The following ABCC4 variants were observed in gnomAD, a reference collection of about 807,000 sequenced individuals.
ABCC4 encodes the protein ATP-binding cassette sub-family C member 4.
ABCC4 carries 102 observed loss-of-function variants against 168.5 expected under a neutral mutation model. That is an observed-to-expected ratio of 0.61 (90% CI 0.52 to 0.71). The LOEUF (loss-of-function observed/expected upper bound fraction) is 0.71, where lower values mean the gene tolerates loss of function less well. Ranked by LOEUF, ABCC4 falls within the 30% of genes least tolerant of loss-of-function variation. The pLI, the probability that ABCC4 is intolerant of heterozygous loss-of-function variation, is 0.00. For missense variants in ABCC4, 1,402 were observed against 1,605.8 expected, an observed-to-expected ratio of 0.87 and a Z score of 2.17; for synonymous variants, 617 against 590.7, an observed-to-expected ratio of 1.04 and a Z score of -0.65.
chr13:95,047,476 C>CTG (rs2032631470), intron 27 of ABCC4, among the ~76,000 whole-genome samples: 1 of 83,370 alleles, frequency 1.2e-5, no homozygotes, highest in Non-Finnish European at 2.1e-5. Context: ...ACTGCCTATT[C>CTG]TTTTTTTTTT....
At chr13:95,126,742 T>TTCCAAA (rs1566443665) in intron 19 of ABCC4, among the ~76,000 whole-genome samples, 5 of 108,482 alleles carry the variant, frequency 4.6e-5, no homozygotes, top group East Asian at 2.7e-4. Context: ...TATATATATA[T>TTCCAAA]ATATATATAT....
rs1225198025 is a variant in ABCC4, at chr13:95,166,210, G to A, written c.1982C>T (p.Ser661Phe). 2 of 1,614,164 alleles carry A rather than the reference G, an allele frequency of 1.2e-6. No individual in the cohort carries two copies. The highest frequency in any genetic ancestry group is 1.1e-5 in the South Asian group (1 of 91,082). The change falls in exon 15 of 31, where the codon TCT becomes TTT. Residue 661 changes from serine to phenylalanine, a missense_variant. Physicochemically the swap from Ser to Phe is radical, Grantham distance 155. This residue lies in a region of ABCC4 where 1,007 missense variants were observed against 1,127.3 expected (regional missense o/e 0.89). Coordinates refer to ENST00000645237, the MANE Select transcript of ABCC4 (RefSeq NM_005845.5). The part of the protein sequence containing the change: ...NRTFSESSVW[S>F]QQSSRPSLKD... ...CAAGGAGGGTCTAGAAGATTGTTGA[G>A]ACCAAACCGAAGACTCTGAGAAGGT...
rs748864087 is a variant in ABCC4 at position 95,186,848 on chromosome 13, G to A, written c.1398C>T (p.His466=). ...TTCTTCCATGCACGCTGACCAGCCC[G>A]TGACTTGGGGCCAATTCCCCGAGCA... ...SAVLGELAPS[H]GLVSVHGRIA... Residue 466 remains histidine (H), a synonymous_variant, in exon 11 of 31, where the codon CAC becomes CAT. Coordinates refer to ENST00000645237, the MANE Select transcript of ABCC4 (RefSeq NM_005845.5). The A allele has an allele frequency of 9.9e-6, 16 of 1,613,680 alleles. No individual in the cohort carries two copies. Among genetic ancestry groups the A allele is most frequent in the African/African-American group, 9.3e-5 (7 of 74,910 alleles).
At chr13:95,207,700 C>T (rs2038821756) in intron 7 of ABCC4, 100 bp downstream of exon 7, 5 of 1,314,830 alleles carry the variant, frequency 3.8e-6, no homozygotes, top group East Asian at 2.5e-5. Flanking sequence ...TTGTACTGAA[C>T]TTCCCATAAT....
Position 95,075,507 on chromosome 13 carries a change from G to T in ABCC4, c.2731C>A (p.Leu911Ile). The change falls in exon 22 of 31, where the codon CTC (leucine) becomes ATC (isoleucine). Residue 911 changes from leucine (L) to isoleucine (I), a missense_variant. By Grantham distance (5) the Leu-to-Ile change is conservative. Around this residue, in one of 3 missense-constraint regions of ABCC4, gnomAD observed 1,007 missense variants for 1,127.3 expected, o/e 0.89. Coordinates refer to ENST00000645237, the MANE Select transcript of ABCC4 (RefSeq NM_005845.5). ...GCTTTGTATGCCCGGATGGTCCAGA[G>T]CCCCTGGAGAGAAGATGATAAGTGG... ...FSHLSSSLQG[L>I]WTIRAYKAEE... 1 of 1,614,094 alleles carries T rather than the reference G, an allele frequency of 6.2e-7. No homozygotes were observed. The highest frequency in any genetic ancestry group is 8.5e-7 in the Non-Finnish European group (1 of 1,179,986).
chr13:95,176,902 C>G (rs908841292), intron 13 of ABCC4, among the ~76,000 whole-genome samples: 3 of 152,310 alleles, frequency 2.0e-5, no homozygotes, highest in Admixed American at 2.0e-4. Flanking sequence ...AAGTGTCAGT[C>G]GGCACACATG....
intron 21 of ABCC4, among the ~76,000 whole-genome samples, chr13:95,081,407 C>CGG (rs1295985371): frequency 4.4e-4 from 67 of 152,290 alleles, no homozygotes; most frequent in Middle Eastern, 3.4e-3. Flanking sequence ...ATTTCATGAG[C>CGG]GGGCCCAAAC....
intron 1 of ABCC4, among the ~76,000 whole-genome samples, chr13:95,284,895 A>G (rs7986283): frequency 0.62 from 92,640 of 150,470 alleles, 30,565 homozygotes; most frequent in Middle Eastern, 0.77. Context: ...TTGGTAAGGT[A>G]CTTAGAATAG....
At chr13:95,243,192 C>T (rs114795337) in intron 3 of ABCC4, among the ~76,000 whole-genome samples, 1,667 of 152,292 alleles carry the variant, frequency 0.011, 30 homozygotes, top group African/African-American at 0.038. Flanking sequence ...CTTAGCCTGC[C>T]GCCCTAATAC....
intron 1 of ABCC4, among the ~76,000 whole-genome samples, chr13:95,253,867 T>C (rs17235152): frequency 0.27 from 40,392 of 151,940 alleles, 6,510 homozygotes; most frequent in East Asian, 0.5. Context: ...TGGGCAATAC[T>C]CTCATGCAAA....
chr13:95,235,467 A>T (rs1455876989), intron 3 of ABCC4, among the ~76,000 whole-genome samples: 1 of 152,124 alleles, frequency 6.6e-6, no homozygotes, highest in Non-Finnish European at 1.5e-5. Context: ...CAAGAGGAGT[A>T]AGGAATTTGC....
At chr13:95,167,626 G>A (rs139381408) in intron 14 of ABCC4, among the ~76,000 whole-genome samples, 1 of 152,282 alleles carries the variant, frequency 6.6e-6, no homozygotes, top group Non-Finnish European at 1.5e-5. Flanking sequence ...TTCCACACAG[G>A]AGGTAAAAGT....
chr13:95,270,981 G>A (rs943668336), intron 1 of ABCC4, among the ~76,000 whole-genome samples: 73 of 152,318 alleles, frequency 4.8e-4, no homozygotes, highest in African/African-American at 1.7e-3. Flanking sequence ...TGTAGTCCCA[G>A]CTACTCGGGA....
At chr13:95,142,898 AT>A (rs2036366988) in intron 19 of ABCC4, among the ~76,000 whole-genome samples, 1 of 152,224 alleles carries the variant, frequency 6.6e-6, no homozygotes, top group African/African-American at 2.4e-5. Context: ...TGCCAAAAAA[AT>A]ATAATAATAA....
At chr13:95,076,183 G>A (rs1303579055) in intron 21 of ABCC4, among the ~76,000 whole-genome samples, 2 of 152,200 alleles carry the variant, frequency 1.3e-5, no homozygotes, top group Non-Finnish European at 2.9e-5. Context: ...CCTGGGTGCT[G>A]CAATGCCCTT....
intron 23 of ABCC4, among the ~76,000 whole-genome samples, chr13:95,073,764 G>A (rs2033808892): frequency 6.6e-6 from 1 of 152,082 alleles, no homozygotes; most frequent in African/African-American, 2.4e-5. Flanking sequence ...TTGTTACTGG[G>A]GTGGTGAACT....
intron 7 of ABCC4, among the ~76,000 whole-genome samples, chr13:95,207,377 C>T (rs2038812459): frequency 6.6e-6 from 1 of 152,156 alleles, no homozygotes; most frequent in South Asian, 2.1e-4. Flanking sequence ...TATTTCCATG[C>T]CTGTTTGGAA....
intron 19 of ABCC4, among the ~76,000 whole-genome samples, chr13:95,152,890 A>G (rs1477927798): frequency 6.6e-6 from 1 of 152,168 alleles, no homozygotes; most frequent in Non-Finnish European, 1.5e-5. Context: ...TGAGAACTTC[A>G]AAGTCAAATC....
chr13:95,069,715 G>T (rs1157802790), intron 25 of ABCC4, among the ~76,000 whole-genome samples: 1 of 152,128 alleles, frequency 6.6e-6, no homozygotes, highest in East Asian at 1.9e-4. Flanking sequence ...CCGTCCTTAG[G>T]TGTCTGGCCT....
Sources: allele counts gnomAD v4.1 joint callset (sites outside exome capture counted in the v4.1 genomes callset), GRCh38; gene constraint gnomAD v4.1.1; regional missense constraint gnomAD v4.1.1; transcripts MANE v1.5; gene names NCBI Gene and HGNC (gene_info 2026-07-23, HGNC 2026-07-21).